UBE3B: variants seen among roughly 807,000 people sequenced by gnomAD.
UBE3B encodes the protein ubiquitin protein ligase E3B.
UBE3B carries 80 observed loss-of-function variants against 132.3 expected under a neutral mutation model. The observed-to-expected ratio is 0.60, with a 90% CI of 0.50 to 0.73. The LOEUF is 0.73. UBE3B is among the 30% of genes least tolerant of loss of function. UBE3B has a pLI of 0.00. For missense variants in UBE3B, 1,196 were observed against 1,362.5 expected, an observed-to-expected ratio of 0.88 and a Z score of 1.92; for synonymous variants, 487 against 520.4, an observed-to-expected ratio of 0.94 and a Z score of 0.87.
At chr12:109,490,220 C>A in intron 8 of UBE3B, 1 of 887,354 alleles carries the variant, frequency 1.1e-6, no homozygotes. Flanking sequence ...CTTGAATGCT[C>A]TACATTTTTG....
chr12:109,484,128 T>C (rs1875965533), intron 4 of UBE3B, 147 bp downstream of exon 4: 4 of 838,318 alleles, frequency 4.8e-6, no homozygotes, highest in African/African-American at 1.7e-5. Context: ...GGGACCTGTT[T>C]TGGAGGGATT....
At chr12:109,509,554 T>G (rs773482730) in intron 15 of UBE3B, 42 bp from the exon 16 acceptor site, 1 of 1,424,246 alleles carries the variant, frequency 7.0e-7, no homozygotes, top group Non-Finnish European at 9.6e-7. Flanking sequence ...CTCTTCGCCT[T>G]TTTTCAGTGT....
rs201336062 is a variant in UBE3B at position 109,486,580 on chromosome 12, C to CAAAAA, written c.447+24_447+28dup. 2.0e-4 allele frequency: 110 copies of CAAAAA among 562,676 alleles called. No homozygotes were observed. The highest frequency in any genetic ancestry group is 5.1e-4 in the African/African-American group (18 of 34,968). 34.9% of individuals were successfully genotyped at this position (562,676 alleles called of 1,614,324 possible). A position where few individuals can be genotyped will look rare whatever the true frequency, so the allele number is the denominator to read the frequency against. Reference sequence around the variant, plus strand: ...GATTTTCTCAAGCAGCTCAAGGTAACAAAAAAAAAAAAAAAAAAAAAAAGC... The same window carrying CAAAAA: ...GATTTTCTCAAGCAGCTCAAGGTAACAAAAAAAAAAAAAAAAAAAAAAAAAAAAGC... On this transcript the variant is annotated splice_donor_region_variant and intron_variant, in intron 6 of 27. Transcript: ENST00000342494.
rs776070821 is a variant in UBE3B, at chr12:109,516,860, C to T, written c.2052C>T (p.Thr684=). 5 of 1,613,904 alleles carry T rather than the reference C, an allele frequency of 3.1e-6. No homozygotes were observed. The highest frequency in any genetic ancestry group is 4.2e-6 in the Non-Finnish European group (5 of 1,180,012). The change falls in exon 19 of 28, where the codon ACC becomes ACT. Residue 684 remains threonine (T), a synonymous_variant. Transcript: ENST00000342494. The part of the protein sequence containing the change: ...SSASPHVTHI[T]IRRSRMLEDG... ...CCTCCCCGCATGTCACTCACATCAC[C>T]ATCCGCCGGTCCAGGATGCTGGAGG...
intron 23 of UBE3B, among the ~76,000 whole-genome samples, chr12:109,525,276 G>C (rs1008919229): frequency 1.3e-5 from 2 of 152,206 alleles, no homozygotes; most frequent in African/African-American, 2.4e-5. Flanking sequence ...GCTCTGAGAA[G>C]CCTGTAAGGA....
chr12:109,505,418 C>T (rs1051034384), intron 14 of UBE3B, among the ~76,000 whole-genome samples: 21 of 152,338 alleles, frequency 1.4e-4, no homozygotes, highest in East Asian at 7.7e-4. Flanking sequence ...TTCTAGTCTA[C>T]GCTACATGAG....
downstream of UBE3B, among the ~76,000 whole-genome samples, chr12:109,536,924 C>T (rs1205403361): frequency 6.6e-6 from 1 of 152,242 alleles, no homozygotes; most frequent in Non-Finnish European, 1.5e-5. Context: ...TGAGCACCCT[C>T]TATGGGCCCA....
intron 16 of UBE3B, 139 bp downstream of exon 16, chr12:109,509,853 T>C: frequency 1.7e-6 from 1 of 601,156 alleles, no homozygotes; most frequent in Non-Finnish European, 2.9e-6. Context: ...CAATTGGAAA[T>C]TTTCTTTCTT....
At chr12:109,533,713 G>A (rs751750924) in intron 27 of UBE3B, 155 bp downstream of exon 27, 58 of 873,630 alleles carry the variant, frequency 6.6e-5, no homozygotes, top group Admixed American at 4.4e-4. Context: ...CAGTTCTCAC[G>A]GCAGGAGAAC....
chr12:109,485,866 C>G, intron 4 of UBE3B, 146 bp from the exon 5 acceptor site: 1 of 818,476 alleles, frequency 1.2e-6, no homozygotes, highest in Non-Finnish European at 1.9e-6. Flanking sequence ...GTGTCCTCAT[C>G]TGTAGGAAGG....
chr12:109,530,138 T>C, intron 25 of UBE3B, 66 bp downstream of exon 25: 1 of 1,588,526 alleles, frequency 6.3e-7, no homozygotes, highest in Non-Finnish European at 8.6e-7. Flanking sequence ...GCTCCCTCGC[T>C]GGGTTCCTTT....
chr12:109,538,274 A>G (rs1372093181), downstream of UBE3B, among the ~76,000 whole-genome samples: 3 of 152,180 alleles, frequency 2.0e-5, no homozygotes, highest in African/African-American at 7.2e-5. This position sits in a 1 kb window ranked among gnomAD's most constrained non-coding sequence, Gnocchi z 4.1. Flanking sequence ...TTGGCGAGTA[A>G]ATCCAGGACC....
chr12:109,478,985 T>C (rs556184657), intron 1 of UBE3B, among the ~76,000 whole-genome samples: 66 of 152,320 alleles, frequency 4.3e-4, no homozygotes, highest in African/African-American at 1.1e-3. Context: ...TTTGGAAATA[T>C]AGAGGTAAGA....
rs187906865 is a variant in UBE3B at position 109,527,470 on chromosome 12, A to C, written c.2627+1054A>C. 6.6e-5 allele frequency among the ~76,000 whole-genome samples: 10 copies of C among 152,308 alleles called. No homozygotes were observed. In the East Asian group the frequency reaches 1.7e-3, roughly 26 times the overall value. ...AGTGAGGGCTCAGTCCCACCTGGTG[A>C]GTCATTTGAATCAGATGCACGTCGC... On this transcript the variant is annotated intron_variant, in intron 24 of 27. Coordinates refer to ENST00000342494, the MANE Select transcript of UBE3B (RefSeq NM_130466.4).
intron 12 of UBE3B, among the ~76,000 whole-genome samples, chr12:109,500,408 A>G (rs954235363): frequency 2.0e-5 from 3 of 152,230 alleles, no homozygotes; most frequent in African/African-American, 4.8e-5. Context: ...TCTTGTTCAC[A>G]TATCTGCTCG....
At chr12:109,478,481 TA>T (rs773738610) in intron 1 of UBE3B, among the ~76,000 whole-genome samples, 9 of 152,184 alleles carry the variant, frequency 5.9e-5, no homozygotes, top group Non-Finnish European at 8.8e-5. Flanking sequence ...ATTCTTTAAA[TA>T]AAAATTAGAT....
At chr12:109,524,209 G>T in intron 22 of UBE3B, 94 bp downstream of exon 22, 1 of 1,545,502 alleles carries the variant, frequency 6.5e-7, no homozygotes, top group Non-Finnish European at 8.8e-7. Flanking sequence ...CTCTCTTATT[G>T]CTGTTGCTGT....
the UBE3B span, among the ~76,000 whole-genome samples, chr12:109,547,794 T>C: frequency 6.6e-6 from 1 of 151,944 alleles, no homozygotes. This position sits in a 1 kb window ranked among gnomAD's most constrained non-coding sequence, Gnocchi z 4.1. Flanking sequence ...TGCTCCCTTA[T>C]TGCAACAAGA....
At position 109,534,284 on chromosome 12, in the gene UBE3B, C is replaced by T. The variant is rs1883248448; in HGVS notation, c.3016-307C>T. On this transcript the variant is annotated intron_variant, in intron 27 of 27. Transcript: ENST00000342494. This position sits in a 1 kb window ranked among gnomAD's most constrained non-coding sequence, Gnocchi z 5.2. ...ATGTTTGGGCACCTAACAGTTTTTA[C>T]AGCATTCTACTTTTTGTCAATTGGT... is the stretch of plus-strand genomic sequence containing the variant. 2.9e-6 allele frequency: 4 copies of T among 1,356,276 alleles called. No homozygotes were observed. Among genetic ancestry groups the T allele is most frequent in the Middle Eastern group, 2.9e-4 (1 of 3,506 alleles). The allele number at this position is 1,356,276 out of a possible 1,614,324, so 84.0% of individuals were successfully genotyped here. A position where few individuals can be genotyped will look rare whatever the true frequency, so the allele number is the denominator to read the frequency against.
Sources: gnomAD v4.1 joint callset for allele counts (sites outside exome capture counted in the v4.1 genomes callset) on GRCh38, gnomAD v4.1.1 for gene constraint, Gnocchi (gnomAD v3.1) non-coding constraint, MANE v1.5 for transcripts, NCBI Gene and HGNC (gene_info 2026-07-23, HGNC 2026-07-21) for gene names.